The following RPS6KC1 variants were observed in gnomAD, a reference collection of about 807,000 sequenced individuals.
RPS6KC1 encodes ribosomal protein S6 kinase C1.
RPS6KC1 carries 54 observed loss-of-function variants against 103.8 expected under a neutral mutation model. That is an observed-to-expected ratio of 0.52 (90% CI 0.42 to 0.65). The LOEUF (loss-of-function observed/expected upper bound fraction) is 0.65. Among genes scored for constraint, RPS6KC1 ranks in the 30% least tolerant of loss-of-function variants. The pLI is 0.00. For synonymous variants in RPS6KC1, 439 were observed against 438.7 expected (o/e 1.00, Z -0.01); for missense variants, 1,151 against 1,253.8 (o/e 0.92, Z 1.24).
At chr1:213,523,098 A>T in the RPS6KC1 span, among the ~76,000 whole-genome samples, 1 of 152,196 alleles carries the variant, frequency 6.6e-6, no homozygotes, top group African/African-American at 2.4e-5. Context: ...ATTACAGACC[A>T]TTGTAGGGAT....
chr1:213,498,180 A>C, the RPS6KC1 span, among the ~76,000 whole-genome samples: 1 of 152,322 alleles, frequency 6.6e-6, no homozygotes, highest in Non-Finnish European at 1.5e-5. Context: ...ACCAAAATTA[A>C]CAACTAATTC....
chr1:213,340,170 C>T, the RPS6KC1 span, among the ~76,000 whole-genome samples: 3 of 152,170 alleles, frequency 2.0e-5, no homozygotes, highest in East Asian at 1.9e-4. Context: ...CGTGAGCCAC[C>T]GTGCCTGGCT....
chr1:213,069,988 G>C (rs897342181), intron 1 of RPS6KC1, among the ~76,000 whole-genome samples: 2 of 152,206 alleles, frequency 1.3e-5, no homozygotes, highest in African/African-American at 4.8e-5. Flanking sequence ...AAGTCTGAAG[G>C]AATCTCTCCT....
chr1:213,263,190 A>G (rs927542081), intron 14 of RPS6KC1, among the ~76,000 whole-genome samples: 6 of 152,186 alleles, frequency 3.9e-5, no homozygotes, highest in Non-Finnish European at 8.8e-5. Context: ...ATTCTTACTT[A>G]TAAGTTTACT....
chr1:213,241,303 A>C lies in RPS6KC1; in HGVS notation c.1827A>C (p.Ala609=). ...TTAGGATAGACAGTAAGGATAGCGC[A>C]AGTGAACTCCTGGGACTTGACTTTG... is the stretch of plus-strand genomic sequence containing the variant. The part of the protein sequence containing the change: ...EFFRIDSKDS[A]SELLGLDFGE... Residue 609 remains alanine, a synonymous_variant, in exon 11 of 15, where the codon GCA becomes GCC. Transcript: ENST00000366960. 3.7e-6 allele frequency: 6 copies of C among 1,613,984 alleles called. No individual in the cohort carries two copies.
chr1:213,384,977 T>C, the RPS6KC1 span, among the ~76,000 whole-genome samples: 1 of 152,138 alleles, frequency 6.6e-6, no homozygotes, highest in Non-Finnish European at 1.5e-5. Context: ...TTTTACTGCC[T>C]GGGGGGCTGA....
the RPS6KC1 span, among the ~76,000 whole-genome samples, chr1:213,692,381 T>G: frequency 7.8e-4 from 94 of 120,490 alleles, no homozygotes; most frequent in African/African-American, 2.5e-3. Context: ...GGAGTGAGAC[T>G]CTGTCTCAAA....
chr1:213,545,419 A>AAATAAATAAATAAAT, the RPS6KC1 span, among the ~76,000 whole-genome samples: 3 of 75,694 alleles, frequency 4.0e-5, no homozygotes, highest in East Asian at 2.3e-3. Flanking sequence ...AATAAATAAA[A>AAATAAATAAATAAAT]TAAAATAAAA....
intron 3 of RPS6KC1, among the ~76,000 whole-genome samples, chr1:213,093,663 G>C (rs551268604): frequency 1.3e-4 from 20 of 152,238 alleles, no homozygotes; most frequent in African/African-American, 4.8e-4. Context: ...GATAGATTTA[G>C]ACCCGTATCT....
intron 1 of RPS6KC1, among the ~76,000 whole-genome samples, chr1:213,069,680 T>C (rs2078690542): frequency 6.6e-6 from 1 of 152,244 alleles, no homozygotes; most frequent in African/African-American, 2.4e-5. Context: ...TTTATCTTTT[T>C]TTAAAATTTT....
chr1:213,268,575 A>G (rs1395374668), intron 14 of RPS6KC1, among the ~76,000 whole-genome samples: 2 of 147,914 alleles, frequency 1.4e-5, no homozygotes, highest in Non-Finnish European at 3.0e-5. Flanking sequence ...ATATTTATAT[A>G]TTGTATATAT....
At chr1:213,311,208 C>CGCTCACT in the RPS6KC1 span, among the ~76,000 whole-genome samples, 1 of 151,588 alleles carries the variant, frequency 6.6e-6, no homozygotes, top group African/African-American at 2.4e-5. Flanking sequence ...ACGCCATCTC[C>CGCTCACT]GCTCACTGCA....
the RPS6KC1 span, among the ~76,000 whole-genome samples, chr1:213,776,276 T>A: frequency 6.6e-6 from 1 of 152,222 alleles, no homozygotes; most frequent in African/African-American, 2.4e-5. Flanking sequence ...GTCGGAGGAA[T>A]CACTCTCTGT....
At chr1:213,733,239 G>GCT in the RPS6KC1 span, among the ~76,000 whole-genome samples, 1 of 147,080 alleles carries the variant, frequency 6.8e-6, no homozygotes. Flanking sequence ...TTTGGGTTTT[G>GCT]TTTTTTTTTT....
At chr1:213,453,995 G>A in the RPS6KC1 span, among the ~76,000 whole-genome samples, 1 of 152,008 alleles carries the variant, frequency 6.6e-6, no homozygotes, top group African/African-American at 2.4e-5. Context: ...ATAATAAAAA[G>A]GTTTGTCATG....
chr1:213,235,681 A>G (rs2094205863), intron 10 of RPS6KC1, among the ~76,000 whole-genome samples: 1 of 152,128 alleles, frequency 6.6e-6, no homozygotes, highest in Non-Finnish European at 1.5e-5. Context: ...GAACAGAAAG[A>G]GCAGTAGGAG....
At chr1:213,274,825 A>G (rs1291419104), downstream of RPS6KC1, 1 of 152,130 alleles carries the variant, frequency 6.6e-6, no homozygotes, top group Admixed American at 6.5e-5. Flanking sequence ...CATAAAATTC[A>G]CCATTTTATC....
the RPS6KC1 span, among the ~76,000 whole-genome samples, chr1:213,314,279 A>G: frequency 6.6e-6 from 1 of 152,172 alleles, no homozygotes; most frequent in Admixed American, 6.6e-5. Flanking sequence ...TACATCTGTA[A>G]AAGCCCTATT....
At chr1:213,565,318 G>A in the RPS6KC1 span, among the ~76,000 whole-genome samples, 1 of 152,186 alleles carries the variant, frequency 6.6e-6, no homozygotes, top group Non-Finnish European at 1.5e-5. Flanking sequence ...GTTCAAGAAT[G>A]TTCACAGCAG....
Sources: allele counts gnomAD v4.1 joint callset (sites outside exome capture counted in the v4.1 genomes callset), GRCh38; gene constraint gnomAD v4.1.1; transcripts MANE v1.5; gene names NCBI Gene and HGNC (gene_info 2026-07-23, HGNC 2026-07-21).